Variants in PAX2 observed in about 807,000 individuals in gnomAD.
PAX2 encodes the protein paired box protein Pax-2.
A neutral mutation model predicts 41.7 loss-of-function variants in PAX2; 9 were observed. That is an observed-to-expected ratio of 0.22 (90% CI 0.13 to 0.38). PAX2 has a LOEUF of 0.38. Among genes scored for constraint, PAX2 ranks in the 10% least tolerant of loss-of-function variants. PAX2 has a pLI of 1.00. For synonymous variants in PAX2, 221 were observed against 212.7 expected (o/e 1.04, Z -0.34); for missense variants, 418 against 531.6 (o/e 0.79, Z 2.10).
rs546515858 is a variant in PAX2, at chr10:100,792,264, C to T, written c.616+10899C>T. ...CTGGACTCTTCTTCACGTGCACAAG[C>T]ACATGGGTTCGTGCGTGTGTGCACT... is the stretch of plus-strand genomic sequence containing the variant. On this transcript the variant is annotated intron_variant, in intron 5 of 9. Transcript: ENST00000355243. Among the ~76,000 whole-genome samples the T allele has an allele frequency of 1.3e-3, 202 of 152,350 alleles. 1 individual carries two copies. The highest frequency in any genetic ancestry group is 4.7e-3 in the African/African-American group (197 of 41,578).
upstream of PAX2, among the ~76,000 whole-genome samples, chr10:100,742,905 C>T (rs1295364366): frequency 3.4e-5 from 4 of 117,160 alleles, no homozygotes; most frequent in African/African-American, 1.0e-4. Context: ...CCCCCCACCC[C>T]TCTACTAGAC....
chr10:100,822,217 C>T (rs140560410), intron 7 of PAX2, among the ~76,000 whole-genome samples: 1,528 of 152,212 alleles, frequency 0.01, 25 homozygotes, highest in South Asian at 0.044. Flanking sequence ...CTATATTAGA[C>T]AGGTATAGAG....
intron 5 of PAX2, among the ~76,000 whole-genome samples, chr10:100,801,020 T>C (rs1474069228): frequency 2.6e-5 from 4 of 152,358 alleles, no homozygotes; most frequent in Admixed American, 2.0e-4. Context: ...AGTTGATCTT[T>C]GGTTTTGGAG....
chr10:100,751,801 T>G (rs1845453453), intron 3 of PAX2, among the ~76,000 whole-genome samples: 1 of 152,104 alleles, frequency 6.6e-6, no homozygotes, highest in Non-Finnish European at 1.5e-5. Context: ...CAGGCTGGTT[T>G]CAAGATCACA....
chr10:100,769,035 C>G (rs1162599726), intron 3 of PAX2, among the ~76,000 whole-genome samples: 2 of 152,228 alleles, frequency 1.3e-5, no homozygotes, highest in Non-Finnish European at 2.9e-5. Flanking sequence ...GGCCTAGCCT[C>G]TCATAGATTC....
chr10:100,816,991 G>A (rs1391504771), intron 7 of PAX2, among the ~76,000 whole-genome samples: 4 of 152,174 alleles, frequency 2.6e-5, no homozygotes. Context: ...TGCTCTCAGA[G>A]AACAAAATAA....
intron 5 of PAX2, among the ~76,000 whole-genome samples, chr10:100,783,093 G>A (rs1217503932): frequency 6.6e-6 from 1 of 152,242 alleles, no homozygotes; most frequent in Non-Finnish European, 1.5e-5. Context: ...GGGGTAGGGA[G>A]GCACTGGCAT....
chr10:100,802,589 G>T (rs1412356379), intron 5 of PAX2, among the ~76,000 whole-genome samples: 4 of 152,178 alleles, frequency 2.6e-5, no homozygotes, highest in African/African-American at 9.7e-5. Context: ...CAGTCAGATG[G>T]CCAGTCCCAA....
In PAX2 at chr10:100,748,698, G is replaced by A. The variant is rs1357003222; in HGVS notation, c.44-1048G>A. 1.0e-6 allele frequency: 1 copy of A among 985,360 alleles called. No homozygotes were observed. Among genetic ancestry groups the A allele is most frequent in the Non-Finnish European group, 1.2e-6 (1 of 829,942 alleles). The allele number at this position is 985,360 out of a possible 1,614,324, so 61.0% of individuals were successfully genotyped here. On this transcript the variant is annotated intron_variant, in intron 1 of 9. Coordinates refer to ENST00000355243, the MANE Select transcript of PAX2 (RefSeq NM_000278.5). This position sits in a 1 kb window ranked among gnomAD's most constrained non-coding sequence, Gnocchi z 5.0. The stretch of plus-strand genomic sequence containing the variant: ...CACCCAGTGGCCGCCTCGGTTCCGA[G>A]ATCGGGAGCCCGCGCTGGAGCCGGG...
At chr10:100,799,377 C>T (rs938477043) in intron 5 of PAX2, among the ~76,000 whole-genome samples, 14 of 152,260 alleles carry the variant, frequency 9.2e-5, no homozygotes, top group Non-Finnish European at 1.9e-4. Flanking sequence ...CTCCCTGAGC[C>T]TGTTTCCTCG....
chr10:100,783,492 T>C (rs542364861), intron 5 of PAX2, among the ~76,000 whole-genome samples: 8 of 152,284 alleles, frequency 5.3e-5, no homozygotes, highest in Non-Finnish European at 8.8e-5. Context: ...CCTGAAATTC[T>C]ATCTGATAGA....
rs547455761 is a variant in PAX2 at position 100,767,107 on chromosome 10, A to G, written c.411-12391A>G. Among the ~76,000 whole-genome samples the G allele has an allele frequency of 1.7e-3, 261 of 152,332 alleles. 1 individual carries two copies. The highest frequency in any genetic ancestry group is 4.0e-3 in the Admixed American group (61 of 15,310). On this transcript the variant is annotated intron_variant, in intron 3 of 9. Coordinates refer to ENST00000355243, the MANE Select transcript of PAX2 (RefSeq NM_000278.5). The stretch of plus-strand genomic sequence containing the variant: ...ATGCAATAATACACGGTAATGCACA[A>G]CACAGTTCAAACTCTGTATCCCATA...
chr10:100,746,417 G>A lies in PAX2; in HGVS notation c.43+114G>A, dbSNP rs972826475. 10 of 795,818 alleles carry A rather than the reference G, an allele frequency of 1.3e-5. No individual in the cohort carries two copies. The African/African-American group carries it at 1.3e-4, about 11-fold the overall frequency. The allele number at this position is 795,818 out of a possible 1,614,324, so 49.3% of individuals were successfully genotyped here. ...CAGGTCCCATCTTGGAGGCCTCCCT[G>A]GCTTCTGGTCCCTCTTTTCGTTCTT... On this transcript the variant is annotated intron_variant, in intron 1 of 9. Transcript: ENST00000355243.
chr10:100,784,729 G>A (rs762950769), intron 5 of PAX2, among the ~76,000 whole-genome samples: 2 of 152,182 alleles, frequency 1.3e-5, no homozygotes, highest in Admixed American at 6.5e-5. Flanking sequence ...TCGGAATATG[G>A]ACAGTGTTAT....
intron 3 of PAX2, among the ~76,000 whole-genome samples, chr10:100,771,362 C>A (rs1846202984): frequency 6.6e-6 from 1 of 152,194 alleles, no homozygotes; most frequent in South Asian, 2.1e-4. Context: ...CTGAAACCTG[C>A]AGGGCATATG....
At position 100,824,917 on chromosome 10, in the gene PAX2, C is replaced by T; in HGVS notation, c.1021+168C>T. 1.9e-6 allele frequency: 3 copies of T among 1,614,022 alleles called. No individual in the cohort carries two copies. Among genetic ancestry groups the T allele is most frequent in the Non-Finnish European group, 2.5e-6 (3 of 1,179,926 alleles). On this transcript the variant is annotated intron_variant, in intron 8 of 9. Coordinates refer to ENST00000355243, the MANE Select transcript of PAX2 (RefSeq NM_000278.5). The surrounding 1 kb of genome is among the most constrained non-coding windows in gnomAD (Gnocchi z 6.6). ...CTCTCCTTAGAGGCTGCAGTTGGTC[C>T]CTCATCCTCCCTCATGAGCAAGCCG...
chr10:100,815,277 G>T (rs1848150585), intron 7 of PAX2, among the ~76,000 whole-genome samples: 1 of 133,220 alleles, frequency 7.5e-6, no homozygotes, highest in East Asian at 2.3e-4. Context: ...GAGGCTGGGA[G>T]TCTCCTAGTC....
In PAX2 at chr10:100,827,902, G is replaced by A. The variant is rs1336022530; in HGVS notation, c.*283G>A. ...CTGCCTGGACTGCGCGGCGCCGTGAGGGGGATTCGGCCCAGCTCGTCCCGG... is the reference window on the plus strand; with the variant it reads ...CTGCCTGGACTGCGCGGCGCCGTGAAGGGGATTCGGCCCAGCTCGTCCCGG... On this transcript the variant is annotated 3_prime_UTR_variant, in exon 10 of 10. Coordinates refer to ENST00000355243, the MANE Select transcript of PAX2 (RefSeq NM_000278.5). This position sits in a 1 kb window ranked among gnomAD's most constrained non-coding sequence, Gnocchi z 8.5. 35 of 467,126 alleles carry A rather than the reference G, an allele frequency of 7.5e-5. No homozygotes were observed. The Admixed American group carries it at 1.3e-3, about 18-fold the overall frequency. 28.9% of individuals were successfully genotyped at this position (467,126 alleles called of 1,614,324 possible).
At chr10:100,811,708 C>T (rs926576530) in intron 7 of PAX2, among the ~76,000 whole-genome samples, 1 of 152,152 alleles carries the variant, frequency 6.6e-6, no homozygotes, top group Admixed American at 6.5e-5. Flanking sequence ...GAAAAGGAGG[C>T]TCTTTTAGGT....
Sources: allele counts gnomAD v4.1 joint callset (sites outside exome capture counted in the v4.1 genomes callset), GRCh38; gene constraint gnomAD v4.1.1; non-coding constraint Gnocchi (gnomAD v3.1); transcripts MANE v1.5; gene names NCBI Gene and HGNC (gene_info 2026-07-23, HGNC 2026-07-21).